PGM5: variants seen among roughly 807,000 people sequenced by gnomAD.
PGM5 encodes phosphoglucomutase-like protein 5.
PGM5 carries 23 observed loss-of-function variants against 59.2 expected under a neutral mutation model. The ratio of observed to expected loss-of-function variants is 0.39; its 90% CI spans 0.28 to 0.55. The LOEUF is 0.55. PGM5 is among the 20% of genes least tolerant of loss of function. The pLI is 0.66. For synonymous variants in PGM5, 214 were observed against 286.0 expected, an observed-to-expected ratio of 0.75 and a Z score of 2.54; for missense variants, 574 against 748.3, an observed-to-expected ratio of 0.77 and a Z score of 2.72.
chr9:68,401,602 C>T (rs1330890541), intron 6 of PGM5, among the ~76,000 whole-genome samples: 2 of 151,304 alleles, frequency 1.3e-5, no homozygotes, highest in Admixed American at 6.6e-5. Context: ...ACTGGGGTTT[C>T]AATGCCATCC....
At chr9:68,421,587 C>T (rs1044796684) in intron 6 of PGM5, among the ~76,000 whole-genome samples, 4 of 151,830 alleles carry the variant, frequency 2.6e-5, no homozygotes, top group Admixed American at 6.6e-5. Flanking sequence ...CATGGTGGTG[C>T]GTGCCTGTAA....
At chr9:68,382,328 AATTGGACCCTTATCTTACACTATACACAG>A (rs1822099145) in intron 2 of PGM5, among the ~76,000 whole-genome samples, 1 of 151,778 alleles carries the variant, frequency 6.6e-6, no homozygotes, top group Non-Finnish European at 1.5e-5. Flanking sequence ...AAAAGAATGA[AATTGGACCCTTATCTTACACTATACACAG>A]AAATAAAATG....
chr9:68,465,796 T>A (rs1433145661), intron 7 of PGM5, among the ~76,000 whole-genome samples: 4 of 152,220 alleles, frequency 2.6e-5, no homozygotes, highest in Admixed American at 2.0e-4. Flanking sequence ...TTATGTTTAT[T>A]CCTCTATGTA....
rs1238565413 is a variant in PGM5 at position 68,378,296 on chromosome 9, C to T, written c.359C>T (p.Thr120Ile). Residue 120 changes from threonine (T) to isoleucine (I), a missense_variant, in exon 2 of 11, where the codon ACA (threonine) becomes ATA (isoleucine). Transcript: ENST00000396396. The stretch of plus-strand genomic sequence containing the variant: ...AAGGCAGCTGGTGGAATCATTCTAA[C>T]AGCCAGCCACTGCCCTGGAGGACCA... ...KIKAAGGIILTASHCPGGPGG... is the reference protein window; with the variant it reads ...KIKAAGGIILIASHCPGGPGG... 1.9e-6 allele frequency: 3 copies of T among 1,597,176 alleles called. No homozygotes were observed.
At chr9:68,386,195 C>T (rs1188755067) in intron 3 of PGM5, among the ~76,000 whole-genome samples, 1 of 151,752 alleles carries the variant, frequency 6.6e-6, no homozygotes, top group Non-Finnish European at 1.5e-5. Context: ...AGTAAAACTT[C>T]CAAAGTACTC....
At chr9:68,431,732 T>A (rs1183193216) in intron 6 of PGM5, among the ~76,000 whole-genome samples, 1 of 152,196 alleles carries the variant, frequency 6.6e-6, no homozygotes, top group Non-Finnish European at 1.5e-5. Context: ...ATGGGGGATT[T>A]ATTAGGACTC....
chr9:68,509,569 T>A (rs915242492), intron 10 of PGM5, among the ~76,000 whole-genome samples: 2 of 152,058 alleles, frequency 1.3e-5, no homozygotes, highest in Admixed American at 1.3e-4. Flanking sequence ...TACTCACAGT[T>A]CCCAAGAGGA....
rs62548563 is a variant in PGM5 at position 68,529,693 on chromosome 9, G to A, written c.*37G>A. The A allele has an allele frequency of 2.3e-3, 3,055 of 1,339,338 alleles. 6 individuals carry two copies. The highest frequency in any genetic ancestry group is 3.0e-3 in the Non-Finnish European group (2,858 of 962,452). 83.0% of individuals were successfully genotyped at this position (1,339,338 alleles called of 1,614,324 possible). A position where few individuals can be genotyped will look rare whatever the true frequency, so the allele number is the denominator to read the frequency against. ...ATCACTCACCAGGGCCAAAGAGAGTGCTCAGCGGGAGATGCTTCACTGATG... is the reference window on the plus strand; with the variant it reads ...ATCACTCACCAGGGCCAAAGAGAGTACTCAGCGGGAGATGCTTCACTGATG... On this transcript the variant is annotated 3_prime_UTR_variant, in exon 11 of 11. Transcript: ENST00000396396.
intron 1 of PGM5, among the ~76,000 whole-genome samples, chr9:68,372,365 T>C (rs1821758779): frequency 6.6e-6 from 1 of 151,770 alleles, no homozygotes; most frequent in Admixed American, 6.6e-5. Flanking sequence ...TCTGTCTTCA[T>C]ATCTCCTCTT....
At chr9:68,429,363 A>T (rs1483173403) in intron 6 of PGM5, 1 of 152,138 alleles carries the variant, frequency 6.6e-6, no homozygotes, top group East Asian at 1.9e-4. Context: ...ATCAAATGTT[A>T]AAAAAATCAT....
At chr9:68,414,627 A>G (rs1455995694) in intron 6 of PGM5, among the ~76,000 whole-genome samples, 7 of 151,932 alleles carry the variant, frequency 4.6e-5, no homozygotes, top group Admixed American at 1.3e-4. Context: ...GGAAATGATA[A>G]GGCACATCTC....
At chr9:68,483,779 C>T in intron 8 of PGM5, 86 bp from the exon 9 acceptor site, 1 of 1,246,022 alleles carries the variant, frequency 8.0e-7, no homozygotes, top group Non-Finnish European at 1.2e-6. Context: ...TCCCTGGAAA[C>T]AGAACCAATG....
At chr9:68,415,817 T>A (rs1252541120) in intron 6 of PGM5, among the ~76,000 whole-genome samples, 5 of 46,104 alleles carry the variant, frequency 1.1e-4, no homozygotes, top group Non-Finnish European at 1.8e-4. Flanking sequence ...CTATCTATCT[T>A]ATCTATCTAT....
At chr9:68,486,102 A>G (rs1347633227) in intron 9 of PGM5, among the ~76,000 whole-genome samples, 1 of 152,196 alleles carries the variant, frequency 6.6e-6, no homozygotes, top group African/African-American at 2.4e-5. Context: ...ATACTTTTCA[A>G]ACTATAGACA....
intron 6 of PGM5, among the ~76,000 whole-genome samples, chr9:68,442,423 C>A (rs1823544697): frequency 6.6e-6 from 1 of 152,150 alleles, no homozygotes; most frequent in South Asian, 2.1e-4. Flanking sequence ...CCACCATGCC[C>A]AGCTAATTTT....
intron 6 of PGM5, among the ~76,000 whole-genome samples, chr9:68,429,959 GTGTTGCTGGAA>G (rs1823314282): frequency 6.6e-6 from 1 of 152,340 alleles, no homozygotes; most frequent in East Asian, 1.9e-4. Flanking sequence ...CTCAGTTTTT[GTGTTGCTGGAA>G]GAAGGAACAG....
chr9:68,466,966 A>G (rs1554685880), intron 7 of PGM5, among the ~76,000 whole-genome samples: 1 of 152,184 alleles, frequency 6.6e-6, no homozygotes, highest in Non-Finnish European at 1.5e-5. Context: ...CCCGTCTCTC[A>G]GAGACAATAG....
intron 9 of PGM5, among the ~76,000 whole-genome samples, chr9:68,492,557 C>T (rs1343030105): frequency 6.6e-6 from 1 of 152,172 alleles, no homozygotes; most frequent in African/African-American, 2.4e-5. Context: ...GCTGTGCAGT[C>T]AGCACACTGC....
intron 6 of PGM5, among the ~76,000 whole-genome samples, chr9:68,458,002 C>T (rs1823804788): frequency 6.6e-6 from 1 of 152,162 alleles, no homozygotes; most frequent in Non-Finnish European, 1.5e-5. Flanking sequence ...AATTCCCCAG[C>T]CCTAGACCCT....
Sources: gnomAD v4.1 joint callset for allele counts (sites outside exome capture counted in the v4.1 genomes callset) on GRCh38, gnomAD v4.1.1 for gene constraint, MANE v1.5 for transcripts, NCBI Gene and HGNC (gene_info 2026-07-23, HGNC 2026-07-21) for gene names.